The following TASOR variants were observed in gnomAD, a reference collection of about 807,000 sequenced individuals.
TASOR encodes transcription activation suppressor, also known as protein TASOR.
A neutral mutation model predicts 178.6 loss-of-function variants in TASOR; 53 were observed. The ratio of observed to expected loss-of-function variants is 0.30; its 90% CI spans 0.24 to 0.37. The LOEUF (loss-of-function observed/expected upper bound fraction) is 0.37. TASOR is among the 10% of genes least tolerant of loss of function. The pLI is 1.00. For synonymous variants in TASOR, 713 were observed against 696.2 expected (o/e 1.02, Z -0.38); for missense variants, 1,815 against 1,971.4 (o/e 0.92, Z 1.50).
Position 56,646,567 on chromosome 3 carries a change from G to A in TASOR, c.2170C>T (p.Leu724Phe), listed in dbSNP as rs1436394618. 7 of 1,609,044 alleles carry A rather than the reference G, an allele frequency of 4.4e-6. No individual in the cohort carries two copies. Among genetic ancestry groups the A allele is most frequent in the Non-Finnish European group, 5.1e-6 (6 of 1,178,962 alleles). ...TCAGATAAATTACTGGTTTTGGCGAGCTTTCTCATATTTTCAGGTAGATCC... is the reference window on the plus strand; with the variant it reads ...TCAGATAAATTACTGGTTTTGGCGAACTTTCTCATATTTTCAGGTAGATCC... ...LEDLPENMRK[L>F]AKTSNLSENC... The change falls in exon 14 of 24, where the codon CTC becomes TTC. Residue 724 changes from leucine (L) to phenylalanine (F), a missense_variant. By Grantham distance (22) the Leu-to-Phe change is conservative. Transcript: ENST00000683822.
At chr3:56,672,573 T>A (rs1326400988) in intron 2 of TASOR, among the ~76,000 whole-genome samples, 1 of 152,230 alleles carries the variant, frequency 6.6e-6, no homozygotes, top group African/African-American at 2.4e-5. Context: ...AATATTCTAA[T>A]TTGTACATGA....
At chr3:56,675,365 T>C (rs948071332) in intron 1 of TASOR, among the ~76,000 whole-genome samples, 5 of 151,024 alleles carry the variant, frequency 3.3e-5, no homozygotes, top group Admixed American at 1.3e-4. Flanking sequence ...TTAGTAGATA[T>C]GGGGTTTCAC....
chr3:56,647,661 G>C (rs2077263600), intron 13 of TASOR, among the ~76,000 whole-genome samples: 2 of 152,140 alleles, frequency 1.3e-5, no homozygotes, highest in African/African-American at 4.8e-5. Flanking sequence ...TGTAGATGCT[G>C]AGTAGCCACA....
chr3:56,632,120 G>C (rs11714897), intron 18 of TASOR, among the ~76,000 whole-genome samples: 56,512 of 151,980 alleles, frequency 0.37, 11,036 homozygotes, highest in East Asian at 0.58. Context: ...CAAATCCCAT[G>C]AGATAAACCC....
chr3:56,627,832 A>G, intron 19 of TASOR, 91 bp from the exon 20 acceptor site: 2 of 1,127,978 alleles, frequency 1.8e-6, no homozygotes, highest in Non-Finnish European at 2.6e-6. Context: ...GTCTAACAGA[A>G]TGCATTATGG....
intron 20 of TASOR, 108 bp downstream of exon 20, chr3:56,627,474 A>G: frequency 1.6e-6 from 2 of 1,219,270 alleles, no homozygotes; most frequent in Non-Finnish European, 2.3e-6. Flanking sequence ...AGCTCAAGAA[A>G]AGACTGAAAT....
intron 1 of TASOR, among the ~76,000 whole-genome samples, chr3:56,679,623 G>C (rs1049169764): frequency 2.8e-4 from 43 of 152,222 alleles, no homozygotes; most frequent in African/African-American, 9.9e-4. Context: ...GTGCATGAGC[G>C]CAATTAATTT....
Position 56,670,138 on chromosome 3 carries a change from G to C in TASOR, c.578C>G (p.Thr193Ser), listed in dbSNP as rs1313198379. 1.3e-6 allele frequency: 2 copies of C among 1,520,758 alleles called. No individual in the cohort carries two copies. Among genetic ancestry groups the C allele is most frequent in the Non-Finnish European group, 1.8e-6 (2 of 1,132,790 alleles). The allele number at this position is 1,520,758 out of a possible 1,614,324, so 94.2% of individuals were successfully genotyped here. A position where few individuals can be genotyped will look rare whatever the true frequency, so the allele number is the denominator to read the frequency against. The part of the protein sequence containing the change: ...FLMVDRYQVQ[T>S]ICEKGLHVGQ... ...CACATGTAATCCTTTTTCACATATG[G>C]TTTGAACCTAAATTTAAAAAAAAAT... The change falls in exon 4 of 24, where the codon ACC (threonine) becomes AGC (serine). Residue 193 changes from threonine (T) to serine (S), a missense_variant. Physicochemically the swap from Thr to Ser is moderately conservative, Grantham distance 58. Coordinates refer to ENST00000683822, the MANE Select transcript of TASOR (RefSeq NM_001365635.2).
In TASOR at chr3:56,669,781, AAGAT is replaced by A. The variant is rs1440877074; in HGVS notation, c.650_653del (p.Tyr217PhefsTer26). 6.5e-7 allele frequency: 1 copy of A among 1,545,860 alleles called. No homozygotes were observed. The highest frequency in any genetic ancestry group is 2.5e-5 in the East Asian group (1 of 40,812). On this transcript the variant is annotated frameshift_variant, in exon 5 of 24. Transcript: ENST00000683822. LOFTEE classifies it high-confidence loss of function. ...CTTGTAATAAATCAGCATACCTAGA[AAGAT>A]AGACACCTAGAAAAGACGGAAAAAT...
intron 11 of TASOR, 99 bp downstream of exon 11, chr3:56,660,632 C>G: frequency 1.2e-6 from 1 of 860,414 alleles, no homozygotes; most frequent in Non-Finnish European, 1.8e-6. Flanking sequence ...CCTCATGGTA[C>G]TTTCAGAGGC....
At chr3:56,647,352 G>A (rs2077256777) in intron 13 of TASOR, 129 bp from the exon 14 acceptor site, 2 of 644,084 alleles carry the variant, frequency 3.1e-6, no homozygotes, top group Non-Finnish European at 4.9e-6. Flanking sequence ...AGACGAGTAT[G>A]TACCCTAGTA....
At chr3:56,678,430 C>T (rs1188376172) in intron 1 of TASOR, among the ~76,000 whole-genome samples, 1 of 151,820 alleles carries the variant, frequency 6.6e-6, no homozygotes, top group Non-Finnish European at 1.5e-5. Context: ...ATTCGCCCAC[C>T]TCGGCCTCTC....
intron 17 of TASOR, among the ~76,000 whole-genome samples, chr3:56,634,395 G>A (rs1322427371): frequency 6.6e-6 from 1 of 152,188 alleles, no homozygotes; most frequent in African/African-American, 2.4e-5. Flanking sequence ...AATTCTGAGT[G>A]TAAGGCAATT....
At position 56,641,399 on chromosome 3, in the gene TASOR, C is replaced by A. The variant is rs2077121615; in HGVS notation, c.2569G>T (p.Ala857Ser). 1.9e-6 allele frequency: 3 copies of A among 1,599,156 alleles called. No homozygotes were observed. Among genetic ancestry groups the A allele is most frequent in the Non-Finnish European group, 2.6e-6 (3 of 1,167,250 alleles). ...GTGCCCACTTCGCTGGTAGAAATAG[C>A]AACAGAATACTTAGATGTTGCATCA... ...EVDATSKYSVAISTSEVGTDH... is the reference protein window; with the variant it reads ...EVDATSKYSVSISTSEVGTDH... Residue 857 changes from alanine (A) to serine (S), a missense_variant, in exon 15 of 24, where the codon GCT (alanine) becomes TCT (serine). By Grantham distance (99) the Ala-to-Ser change is moderately conservative (BLOSUM62 1). Transcript: ENST00000683822.
chr3:56,630,587 T>C lies in TASOR; in HGVS notation c.3748-1973A>G, dbSNP rs191638312. Among the ~76,000 whole-genome samples, 431 of 152,306 alleles carry C rather than the reference T, an allele frequency of 2.8e-3. 6 individuals carry two copies. The highest frequency in any genetic ancestry group is 0.01 in the African/African-American group (417 of 41,570). ...GGCTGGGTGCGATGGCTCACGCCTG[T>C]AATCCCAGTACTTTGGGAGGCCAAG... On this transcript the variant is annotated intron_variant, in intron 18 of 23. Transcript: ENST00000683822.
At position 56,663,463 on chromosome 3, in the gene TASOR, T is replaced by A. The variant is rs1001082843; in HGVS notation, c.1054+78A>T. 103 of 830,556 alleles carry A rather than the reference T, an allele frequency of 1.2e-4. 1 individual carries two copies. The highest frequency in any genetic ancestry group is 1.6e-4 in the Non-Finnish European group (100 of 606,604). 51.4% of individuals were successfully genotyped at this position (830,556 alleles called of 1,614,324 possible). ...TGCAGATTTTCATTCATTATAAAAA[T>A]AATACAAAGCACTTAATCTTTTGCT... On this transcript the variant is annotated intron_variant, in intron 8 of 23. Coordinates refer to ENST00000683822, the MANE Select transcript of TASOR (RefSeq NM_001365635.2).
chr3:56,667,965 C>T (rs2030238616), intron 6 of TASOR, among the ~76,000 whole-genome samples: 1 of 152,160 alleles, frequency 6.6e-6, no homozygotes, highest in South Asian at 2.1e-4. Context: ...AAATACCTAT[C>T]AAATCAATAG....
chr3:56,655,008 C>T (rs2077440263), intron 11 of TASOR, among the ~76,000 whole-genome samples: 2 of 152,180 alleles, frequency 1.3e-5, no homozygotes, highest in African/African-American at 4.8e-5. Context: ...CCACCATAAA[C>T]TATTGGTTCT....
chr3:56,682,551 G>T, intron 1 of TASOR, 125 bp downstream of exon 1: 2 of 906,740 alleles, frequency 2.2e-6, no homozygotes, highest in Non-Finnish European at 3.1e-6. Context: ...GGTGAGGGGA[G>T]AGGCGGCCGG....
Sources: allele counts gnomAD v4.1 joint callset (sites outside exome capture counted in the v4.1 genomes callset), GRCh38; gene constraint gnomAD v4.1.1; transcripts MANE v1.5; gene names NCBI Gene and HGNC (gene_info 2026-07-23, HGNC 2026-07-21).